Variants in C11orf65 observed in about 807,000 individuals in gnomAD.
C11orf65 encodes the protein chromosome 11 open reading frame 65.
A neutral mutation model predicts 35.3 loss-of-function variants in C11orf65; 38 were observed. That is an observed-to-expected ratio of 1.08 (90% CI 0.83 to 1.41). The LOEUF is 1.41. Among genes scored for constraint, C11orf65 ranks in the 40% most tolerant of loss-of-function variants. The pLI is 0.00. For synonymous variants in C11orf65, 105 were observed against 114.4 expected, an observed-to-expected ratio of 0.92 and a Z score of 0.53; for missense variants, 370 against 367.1, an observed-to-expected ratio of 1.01 and a Z score of -0.06.
chr11:108,446,132 T>G (rs920695311), intron 2 of C11orf65, among the ~76,000 whole-genome samples: 2 of 151,656 alleles, frequency 1.3e-5, no homozygotes, highest in African/African-American at 2.4e-5. Context: ...TGGGACTACG[T>G]GAAAAGACCA....
chr11:108,354,734 T>C (rs150515345), intron 2 of C11orf65: 2 of 1,223,880 alleles, frequency 1.6e-6, no homozygotes, highest in Non-Finnish European at 2.4e-6. Context: ...ATACTACACA[T>C]GAGAGTATAC....
At chr11:108,449,950 A>C (rs918541056) in intron 2 of C11orf65, among the ~76,000 whole-genome samples, 1 of 152,002 alleles carries the variant, frequency 6.6e-6, no homozygotes, top group Non-Finnish European at 1.5e-5. Flanking sequence ...GAGAAAAAAA[A>C]ACCCATCAAA....
chr11:108,365,237 A>T (rs1403885730), intron 2 of C11orf65: 1 of 1,614,230 alleles, frequency 6.2e-7, no homozygotes, highest in Non-Finnish European at 8.5e-7. Context: ...TATTTTAAGA[A>T]GGTCCTGTTG....
rs766142982 is a variant in C11orf65, at chr11:108,345,716, ATAAT to A, written c.227-10428_227-10425del. On this transcript the variant is annotated intron_variant, in intron 2 of 3. Transcript: ENST00000524755. ...GTTTAATTGAACACAATATTGAAAAATAATTATATATATTCTCTATTTAAAGGAG... is the reference window on the plus strand; with the variant it reads ...GTTTAATTGAACACAATATTGAAAAATATATATATTCTCTATTTAAAGGAG... The A allele has an allele frequency of 4.7e-6, 7 of 1,480,296 alleles. No homozygotes were observed. The highest frequency in any genetic ancestry group is 1.4e-5 in the African/African-American group (1 of 70,020). The allele number at this position is 1,480,296 out of a possible 1,614,324, so 91.7% of individuals were successfully genotyped here. A position where few individuals can be genotyped will look rare whatever the true frequency, so the allele number is the denominator to read the frequency against.
downstream of C11orf65, chr11:108,328,877 G>T: frequency 2.2e-6 from 2 of 921,550 alleles, no homozygotes; most frequent in Non-Finnish European, 3.3e-6. Context: ...CCGTGGGTTG[G>T]ACAAGTTTGC....
At chr11:108,344,131 T>TGAA (rs1229175233) in intron 2 of C11orf65, among the ~76,000 whole-genome samples, 2 of 152,210 alleles carry the variant, frequency 1.3e-5, no homozygotes, top group African/African-American at 2.4e-5. Flanking sequence ...TTGTGCTTTC[T>TGAA]GTGACATGTT....
intron 2 of C11orf65, among the ~76,000 whole-genome samples, chr11:108,450,003 A>AT (rs2093324244): frequency 1.3e-5 from 2 of 152,074 alleles, no homozygotes; most frequent in South Asian, 4.1e-4. Flanking sequence ...AAAAGAAGAC[A>AT]TTTATGCAGC....
chr11:108,461,388 A>C lies in C11orf65; in HGVS notation c.81+91T>G, dbSNP rs117771932. On this transcript the variant is annotated intron_variant, in intron 2 of 8. Coordinates refer to ENST00000393084, the MANE Select transcript of C11orf65 (RefSeq NM_152587.5). ...GCACTCCAGCCTAGGCAACAGAGAG[A>C]GATTCTGTCTTAAAAAAAAAAATTG... The C allele has an allele frequency of 5.0e-3, 4,808 of 961,380 alleles. 159 individuals are homozygous for C. In the East Asian group the frequency reaches 0.062, roughly 12 times the overall value. The allele number at this position is 961,380 out of a possible 1,614,324, so 59.6% of individuals were successfully genotyped here.
chr11:108,422,399 C>T (rs1175831171), intron 3 of C11orf65, among the ~76,000 whole-genome samples: 3 of 152,156 alleles, frequency 2.0e-5, no homozygotes, highest in Non-Finnish European at 2.9e-5. Flanking sequence ...TCTTCTCTAC[C>T]ATTTAATAGG....
chr11:108,451,452 T>C (rs1234776786), intron 2 of C11orf65, among the ~76,000 whole-genome samples: 2 of 151,896 alleles, frequency 1.3e-5, no homozygotes, highest in African/African-American at 4.9e-5. Flanking sequence ...TTACAAGGGA[T>C]GTGAAGGACC....
chr11:108,422,065 G>A (rs937307479), intron 3 of C11orf65, among the ~76,000 whole-genome samples: 2 of 152,160 alleles, frequency 1.3e-5, no homozygotes, highest in African/African-American at 4.8e-5. Flanking sequence ...GAGTAGCTGG[G>A]ACTACAGGCG....
chr11:108,409,380 G>A (rs1009580569), intron 3 of C11orf65, among the ~76,000 whole-genome samples: 1 of 152,054 alleles, frequency 6.6e-6, no homozygotes, highest in Non-Finnish European at 1.5e-5. Context: ...AAATATGAGA[G>A]GTCATGAGGT....
intron 3 of C11orf65, among the ~76,000 whole-genome samples, chr11:108,426,372 A>C (rs1012348420): frequency 1.3e-5 from 2 of 152,182 alleles, no homozygotes; most frequent in African/African-American, 4.8e-5. Flanking sequence ...TCAGAGACCC[A>C]AATAATGAGT....
At chr11:108,407,748 C>T (rs900631621) in intron 3 of C11orf65, among the ~76,000 whole-genome samples, 15 of 150,560 alleles carry the variant, frequency 1.0e-4, no homozygotes, top group African/African-American at 2.4e-4. Flanking sequence ...ATCGAGACCA[C>T]GGTGAAACCC....
At chr11:108,366,793 A>C in intron 2 of C11orf65, 2 of 230,378 alleles carry the variant, frequency 8.7e-6, no homozygotes, top group East Asian at 1.2e-4. Context: ...TGAGAGTATA[A>C]GCTTCCATGT....
chr11:108,427,856 A>T, intron 3 of C11orf65, among the ~76,000 whole-genome samples: 2 of 64,568 alleles, frequency 3.1e-5, no homozygotes, highest in South Asian at 9.1e-4. Context: ...TTTGAGACAG[A>T]GTCTCGCTCT....
At position 108,393,461 on chromosome 11, in the gene C11orf65, T is replaced by C. The variant is rs868116099; in HGVS notation, c.561-83A>G. The stretch of plus-strand genomic sequence containing the variant: ...ATACAGGCAATATATATTGTTGCTA[T>C]TTACATATTAAAACTATTTGCATAT... On this transcript the variant is annotated intron_variant, in intron 6 of 8. Transcript: ENST00000393084. The C allele has an allele frequency of 4.7e-6, 6 of 1,288,070 alleles. No homozygotes were observed. The African/African-American group carries it at 6.0e-5, about 13-fold the overall frequency. The allele number at this position is 1,288,070 out of a possible 1,614,324, so 79.8% of individuals were successfully genotyped here.
In C11orf65 at chr11:108,335,163, T is replaced by A. The variant is rs574324888; in HGVS notation, c.299+57A>T. 26 of 1,611,780 alleles carry A rather than the reference T, an allele frequency of 1.6e-5. No individual in the cohort carries two copies. The African/African-American group carries it at 2.9e-4, about 18-fold the overall frequency. The stretch of plus-strand genomic sequence containing the variant: ...TTAGAGTTTTAGTGATGAAAATTTT[T>A]AGTTCATATTTTCTTTCTGCTTTAT... On this transcript the variant is annotated intron_variant, in intron 3 of 3. Transcript: ENST00000524755.
At chr11:108,326,506 A>T (rs1438381390), downstream of C11orf65, among the ~76,000 whole-genome samples, 1 of 152,230 alleles carries the variant, frequency 6.6e-6, no homozygotes, top group African/African-American at 2.4e-5. Context: ...GTATGTGGGA[A>T]ATGAATGAAA....
Sources: allele counts gnomAD v4.1 joint callset (sites outside exome capture counted in the v4.1 genomes callset), GRCh38; gene constraint gnomAD v4.1.1; transcripts MANE v1.5; gene names NCBI Gene and HGNC (gene_info 2026-07-23, HGNC 2026-07-21).